CDH15: variants seen among roughly 807,000 people sequenced by gnomAD.
CDH15 encodes the protein cadherin-15.
In CDH15, 73 loss-of-function variants were observed where a neutral mutation model predicts 69.4. The observed-to-expected ratio is 1.05, with a 90% CI of 0.87 to 1.28. CDH15 has a LOEUF of 1.28. CDH15 is among the 50% of genes most tolerant of loss of function. The pLI is 0.00. For synonymous variants in CDH15, 624 were observed against 507.7 expected, an observed-to-expected ratio of 1.23 and a Z score of -3.08; for missense variants, 1,343 against 1,133.6, an observed-to-expected ratio of 1.18 and a Z score of -2.65.
chr16:89,192,269 G>C lies in CDH15; in HGVS notation c.1680G>C (p.Leu560=), dbSNP rs779984001. The change falls in exon 11 of 14, where the codon CTG becomes CTC. Residue 560 remains leucine (L), a synonymous_variant. Coordinates refer to ENST00000289746, the MANE Select transcript of CDH15 (RefSeq NM_004933.3). ...AAGGCCTGCACCGCCTCAGCCTGCTGCTCCGGGACTCGGGGCAGCCGCCCC... is the reference window on the plus strand; with the variant it reads ...AAGGCCTGCACCGCCTCAGCCTGCTCCTCCGGGACTCGGGGCAGCCGCCCC... ...VPEGLHRLSL[L]LRDSGQPPQQ... 2.0e-6 allele frequency: 3 copies of C among 1,530,934 alleles called. No individual in the cohort carries two copies. The highest frequency in any genetic ancestry group is 2.6e-6 in the Non-Finnish European group (3 of 1,145,260). 94.8% of individuals were successfully genotyped at this position (1,530,934 alleles called of 1,614,324 possible).
intron 1 of CDH15, among the ~76,000 whole-genome samples, chr16:89,172,574 A>G (rs993192573): frequency 2.0e-5 from 3 of 152,102 alleles, no homozygotes; most frequent in Non-Finnish European, 4.4e-5. Flanking sequence ...CTCTGCCCCT[A>G]AAAATCTTGT....
chr16:89,192,169 C>T, intron 10 of CDH15, 36 bp from the exon 11 acceptor site: 37 of 1,501,590 alleles, frequency 2.5e-5, no homozygotes, highest in Non-Finnish European at 3.2e-5. Context: ...GGGGCGGCCT[C>T]GGGAGGCCCT....
intron 7 of CDH15, among the ~76,000 whole-genome samples, chr16:89,189,225 C>A (rs1915580275): frequency 6.9e-6 from 1 of 144,660 alleles, no homozygotes; most frequent in Non-Finnish European, 1.5e-5. Flanking sequence ...GCACAGGTGC[C>A]CACACACAGA....
rs760589717 is a variant in CDH15, at chr16:89,180,254, G to A, written c.256G>A (p.Gly86Ser). The part of the protein sequence containing the change: ...GSVIYSIQGP[G>S]VDEEPRGVFS... ...CGTCATCTACAGCATCCAGGGACCC[G>A]GCGTGGATGAGGAGCCCCGGGGCGT... The change falls in exon 3 of 14, where the codon GGC (glycine) becomes AGC (serine). Residue 86 changes from glycine to serine, a missense_variant. By Grantham distance (56) the Gly-to-Ser change is moderately conservative. Transcript: ENST00000289746. 8.7e-6 allele frequency: 14 copies of A among 1,609,692 alleles called. No homozygotes were observed. Among genetic ancestry groups the A allele is most frequent in the South Asian group, 5.5e-5 (5 of 90,334 alleles).
chr16:89,187,284 T>C, intron 5 of CDH15, 145 bp from the exon 6 acceptor site: 1 of 875,276 alleles, frequency 1.1e-6, no homozygotes, highest in Non-Finnish European at 1.8e-6. Context: ...AGGGCAGGAT[T>C]CTCAGGGCCA....
chr16:89,188,406 G>A (rs183646377), intron 7 of CDH15, 121 bp downstream of exon 7: 84,194 of 620,636 alleles, frequency 0.14, 7,161 homozygotes, highest in Non-Finnish European at 0.15. Context: ...ACACACACAT[G>A]CCGGCACACA....
intron 3 of CDH15, 56 bp downstream of exon 3, chr16:89,180,411 G>A: frequency 1.3e-5 from 21 of 1,570,040 alleles, no homozygotes; most frequent in Non-Finnish European, 1.7e-5. Context: ...TGGAAAGCCA[G>A]TGCCCCTCCT....
At chr16:89,183,517 C>T in intron 3 of CDH15, 31 bp from the exon 4 acceptor site, 1 of 1,613,618 alleles carries the variant, frequency 6.2e-7, no homozygotes, top group Non-Finnish European at 8.5e-7. Context: ...TTGGGGGCCA[C>T]AGAGCCAGCC....
intron 11 of CDH15, among the ~76,000 whole-genome samples, chr16:89,193,220 G>A (rs1414706915): frequency 3.4e-5 from 3 of 87,912 alleles, no homozygotes; most frequent in East Asian, 7.1e-4. Flanking sequence ...TCTTCCCCAA[G>A]CCGGCCTCTC....
rs760162166 is a variant in CDH15 at position 89,190,463 on chromosome 16, G to T, written c.1199G>T (p.Arg400Leu). ...PGTLVATFSA[R>L]DPDTEQLQRL... is the part of the protein sequence containing the mutation. ...ACTCTGGTGGCCACCTTCTCTGCCCGGGACCCTGACACAGAGCAGCTGCAG... is the reference window on the plus strand; with the variant it reads ...ACTCTGGTGGCCACCTTCTCTGCCCTGGACCCTGACACAGAGCAGCTGCAG... Residue 400 changes from arginine to leucine, a missense_variant, in exon 8 of 14, where the codon CGG (arginine) becomes CTG (leucine). By Grantham distance (102) the Arg-to-Leu change is moderately radical. Transcript: ENST00000289746. The T allele has an allele frequency of 1.7e-5, 27 of 1,601,004 alleles. No homozygotes were observed. The highest frequency in any genetic ancestry group is 2.3e-5 in the Non-Finnish European group (27 of 1,175,066).
rs1261924530 is a variant in CDH15 at position 89,190,455 on chromosome 16, C to T, written c.1191C>T (p.Phe397=). 6.2e-7 allele frequency: 1 copy of T among 1,603,664 alleles called. No individual in the cohort carries two copies. Among genetic ancestry groups the T allele is most frequent in the Non-Finnish European group, 8.5e-7 (1 of 1,176,260 alleles). Residue 397 remains phenylalanine, a synonymous_variant, in exon 8 of 14, where the codon TTC becomes TTT. Coordinates refer to ENST00000289746, the MANE Select transcript of CDH15 (RefSeq NM_004933.3). ...GAPPGTLVAT[F]SARDPDTEQL... ...CCCCAGGCACTCTGGTGGCCACCTT[C>T]TCTGCCCGGGACCCTGACACAGAGC...
At chr16:89,187,300 G>A (rs1915511717) in intron 5 of CDH15, 129 bp from the exon 6 acceptor site, 1 of 1,042,262 alleles carries the variant, frequency 9.6e-7, no homozygotes, top group Non-Finnish European at 1.4e-6. Context: ...GGCCACTTGG[G>A]GTCTTCAACA....
At chr16:89,179,259 C>T (rs930902822) in intron 1 of CDH15, among the ~76,000 whole-genome samples, 157 bp from the exon 2 acceptor site, 7 of 152,212 alleles carry the variant, frequency 4.6e-5, no homozygotes, top group East Asian at 1.9e-4. Context: ...TACGCAGCCC[C>T]GTGTGTGGAA....
At chr16:89,184,952 C>T (rs1251223810) in intron 4 of CDH15, among the ~76,000 whole-genome samples, 7 of 152,238 alleles carry the variant, frequency 4.6e-5, no homozygotes, top group Non-Finnish European at 8.8e-5. Flanking sequence ...GGACACAGCA[C>T]GGTGGGCTTC....
intron 1 of CDH15, among the ~76,000 whole-genome samples, chr16:89,176,772 G>GAAGGA (rs1227504776): frequency 6.6e-6 from 1 of 152,162 alleles, no homozygotes. Context: ...TTAAGATGGG[G>GAAGGA]GCCCTGTCTG....
At position 89,195,059 on chromosome 16, in the gene CDH15, G is replaced by A. The variant is rs756804595; in HGVS notation, c.2349G>A (p.Pro783=). The change falls in exon 14 of 14, where the codon CCG becomes CCA. Residue 783 remains proline (P), a synonymous_variant. Coordinates refer to ENST00000289746, the MANE Select transcript of CDH15 (RefSeq NM_004933.3). ...GGCTGGCAGACATGTATGGGCACCC[G>A]TGCGGGTTGGAGTACGGGGCCAGAT... ...FARLADMYGH[P]CGLEYGARWD... The A allele has an allele frequency of 2.1e-5, 34 of 1,612,362 alleles. No individual in the cohort carries two copies. The highest frequency in any genetic ancestry group is 1.3e-4 in the African/African-American group (10 of 74,902).
In CDH15 at chr16:89,191,781, T is replaced by A; in HGVS notation, c.1502T>A (p.Leu501His). 1 of 1,606,072 alleles carries A rather than the reference T, an allele frequency of 6.2e-7. No individual in the cohort carries two copies. The highest frequency in any genetic ancestry group is 8.5e-7 in the Non-Finnish European group (1 of 1,179,426). Reference sequence around the variant, plus strand: ...AGCGAGCCACACCAAGGCCCAGGCCTCCTCCTGGGCGCCACGGATGAGGAC... The same window carrying A: ...AGCGAGCCACACCAAGGCCCAGGCCACCTCCTGGGCGCCACGGATGAGGAC... ...LCSEPHQGPG[L>H]LLGATDEDLP... Residue 501 changes from leucine to histidine, a missense_variant, in exon 10 of 14, where the codon CTC (leucine) becomes CAC (histidine). Physicochemically the swap from Leu to His is moderately conservative, Grantham distance 99. Transcript: ENST00000289746.
intron 3 of CDH15, among the ~76,000 whole-genome samples, chr16:89,181,705 C>A (rs1310435236): frequency 1.3e-5 from 2 of 151,724 alleles, no homozygotes; most frequent in Admixed American, 6.6e-5. Flanking sequence ...TTTGGGAGGC[C>A]AAGGCAGGCA....
rs868279691 is a variant in CDH15, at chr16:89,191,318, C to T, written c.1233-12C>T. The T allele has an allele frequency of 6.2e-7, 1 of 1,612,756 alleles. No homozygotes were observed. ...TAAACTCAGATCCCACTCTTCCCCT[C>T]CCCTGCATCAGCTACTCCAAGGACT... On this transcript the variant is annotated splice_polypyrimidine_tract_variant and intron_variant, in intron 8 of 13. Transcript: ENST00000289746.
Sources: allele counts gnomAD v4.1 joint callset (sites outside exome capture counted in the v4.1 genomes callset), GRCh38; gene constraint gnomAD v4.1.1; transcripts MANE v1.5; gene names NCBI Gene and HGNC (gene_info 2026-07-23, HGNC 2026-07-21).